The following GRIN2A variants were observed in gnomAD, a reference collection of about 807,000 sequenced individuals.
The protein encoded by GRIN2A is glutamate ionotropic receptor NMDA type subunit 2A, also known as glutamate receptor ionotropic, NMDA 2A.
Under a neutral mutation model 113.4 loss-of-function variants are expected in GRIN2A, and 22 were observed. The observed-to-expected ratio is 0.19, with a 90% CI of 0.14 to 0.28. The LOEUF is 0.28. GRIN2A is among the 10% of genes least tolerant of loss of function. The pLI is 1.00. For missense variants in GRIN2A, 1,502 were observed against 1,887.0 expected (o/e 0.80, Z 3.78); for synonymous variants, 827 against 738.4 (o/e 1.12, Z -1.94).
chr16:9,859,275 T>C (rs1192158341), intron 4 of GRIN2A, among the ~76,000 whole-genome samples: 1 of 151,894 alleles, frequency 6.6e-6, no homozygotes, highest in Non-Finnish European at 1.5e-5. Flanking sequence ...ATAATAGAGA[T>C]AAAAAGTATT....
intron 10 of GRIN2A, among the ~76,000 whole-genome samples, chr16:9,812,624 C>G (rs1420159647): frequency 2.0e-5 from 3 of 150,896 alleles, no homozygotes; most frequent in Non-Finnish European, 4.4e-5. Context: ...GGTGACAGAG[C>G]GAGACTCTGT....
At chr16:9,791,950 T>G (rs7195942) in intron 11 of GRIN2A, among the ~76,000 whole-genome samples, 56,547 of 151,676 alleles carry the variant, frequency 0.37, 11,351 homozygotes, top group African/African-American at 0.54. Flanking sequence ...TTGCAGGAAG[T>G]TTCCTTATTA....
intron 3 of GRIN2A, among the ~76,000 whole-genome samples, chr16:9,936,196 G>A (rs2044710917): frequency 6.6e-6 from 1 of 152,154 alleles, no homozygotes; most frequent in Non-Finnish European, 1.5e-5. Context: ...AAACTTGAAA[G>A]AAATTGCAAA....
At chr16:9,798,148 C>T (rs1903114283) in intron 11 of GRIN2A, 129 bp downstream of exon 11, 1 of 763,940 alleles carries the variant, frequency 1.3e-6, no homozygotes, top group Non-Finnish European at 2.3e-6. Flanking sequence ...TTTCATGTGA[C>T]AGGAACTCAG....
rs1392140146 is a variant in GRIN2A at position 9,807,421 on chromosome 16, CAG to C, written c.2169-8959_2169-8958del. Among the ~76,000 whole-genome samples, 4 of 123,758 alleles carry C rather than the reference CAG, an allele frequency of 3.2e-5. No homozygotes were observed. The East Asian group carries it at 6.7e-4, about 21-fold the overall frequency. The allele number at this position is 123,758 out of a possible 152,430, so 81.2% of individuals were successfully genotyped here. On this transcript the variant is annotated intron_variant, in intron 10 of 12. Coordinates refer to ENST00000330684, the MANE Select transcript of GRIN2A (RefSeq NM_001134407.3). ...GGGAGGGAGGGAGAGAAAGGAGAGA[CAG>C]AGAGAAAGAGAGACAGAGACAGAGA...
At chr16:10,021,221 C>T (rs1465314751) in intron 2 of GRIN2A, among the ~76,000 whole-genome samples, 4 of 152,156 alleles carry the variant, frequency 2.6e-5, no homozygotes, top group Non-Finnish European at 5.9e-5. Flanking sequence ...GCCATGAGAC[C>T]TAGGTAGTGA....
chr16:9,766,687 G>A (rs573853232), intron 12 of GRIN2A, among the ~76,000 whole-genome samples: 34 of 152,054 alleles, frequency 2.2e-4, no homozygotes, highest in Non-Finnish European at 4.1e-4. Flanking sequence ...GAGCCACTGC[G>A]CTCCAGCCTG....
chr16:9,810,262 C>T (rs754713756), intron 10 of GRIN2A, among the ~76,000 whole-genome samples: 88 of 152,214 alleles, frequency 5.8e-4, no homozygotes, highest in Non-Finnish European at 1.0e-3. Context: ...CACAGCACAC[C>T]CAGATAAAGT....
At chr16:9,897,350 G>A (rs2043827240) in intron 3 of GRIN2A, among the ~76,000 whole-genome samples, 1 of 152,022 alleles carries the variant, frequency 6.6e-6, no homozygotes, top group African/African-American at 2.4e-5. Flanking sequence ...TCTATGAATG[G>A]TGATGCATGG....
chr16:10,080,455 C>G (rs4640179), intron 2 of GRIN2A, among the ~76,000 whole-genome samples: 1 of 152,292 alleles, frequency 6.6e-6, no homozygotes, highest in African/African-American at 2.4e-5. Context: ...ACCCCGTTAC[C>G]TAAGCATAGA....
chr16:10,001,948 A>G (rs1402962532), intron 2 of GRIN2A, among the ~76,000 whole-genome samples: 1 of 152,212 alleles, frequency 6.6e-6, no homozygotes, highest in African/African-American at 2.4e-5. Context: ...TTAGGATTAG[A>G]TGCAGGGATA....
intron 5 of GRIN2A, among the ~76,000 whole-genome samples, chr16:9,848,099 T>TTATCTATAA (rs2042808915): frequency 6.8e-6 from 1 of 147,516 alleles, no homozygotes; most frequent in Non-Finnish European, 1.5e-5. Flanking sequence ...ACTATATATT[T>TTATCTATAA]TATCTATAAA....
intron 2 of GRIN2A, among the ~76,000 whole-genome samples, chr16:10,146,282 T>G (rs1368002790): frequency 6.6e-6 from 1 of 152,162 alleles, no homozygotes; most frequent in Non-Finnish European, 1.5e-5. Context: ...CACGCCCGAC[T>G]AATTTTTATA....
chr16:9,963,452 C>A (rs1381114854), intron 2 of GRIN2A, among the ~76,000 whole-genome samples: 1 of 151,966 alleles, frequency 6.6e-6, no homozygotes, highest in Admixed American at 6.6e-5. Flanking sequence ...CCCTGACAGG[C>A]CCCAGTGTGT....
At chr16:10,105,904 C>T (rs2048491808) in intron 2 of GRIN2A, among the ~76,000 whole-genome samples, 2 of 152,186 alleles carry the variant, frequency 1.3e-5, no homozygotes, top group South Asian at 2.1e-4. Context: ...AAGACTCTAT[C>T]TCCAAAAATA....
rs898243592 is a variant in GRIN2A, at chr16:10,180,603, A to G, written c.-18-174T>C. 22 of 631,410 alleles carry G rather than the reference A, an allele frequency of 3.5e-5. No individual in the cohort carries two copies. Among genetic ancestry groups the G allele is most frequent in the South Asian group, 7.0e-5 (1 of 14,196 alleles). 39.1% of individuals were successfully genotyped at this position (631,410 alleles called of 1,614,324 possible). ...CGACGCCATCCACATCCCTCGATCCATCTCTAACTCTATCCACAACTCCAA... is the reference window on the plus strand; with the variant it reads ...CGACGCCATCCACATCCCTCGATCCGTCTCTAACTCTATCCACAACTCCAA... On this transcript the variant is annotated intron_variant, in intron 1 of 12. Coordinates refer to ENST00000330684, the MANE Select transcript of GRIN2A (RefSeq NM_001134407.3). This position sits in a 1 kb window ranked among gnomAD's most constrained non-coding sequence, Gnocchi z 7.0.
In GRIN2A at chr16:9,764,516, G is replaced by A. The variant is rs753651908; in HGVS notation, c.3028C>T (p.Pro1010Ser). 1.2e-6 allele frequency: 2 copies of A among 1,613,944 alleles called. No homozygotes were observed. The highest frequency in any genetic ancestry group is 1.7e-6 in the Non-Finnish European group (2 of 1,179,986). ...ACGGATTTCTTCCACAGCTGCCGGG[G>A]TCTAGAGTTCGCTTTGGATTCTGTG... ...VSTESKANSR[P>S]RQLWKKSVDS... Residue 1010 changes from proline to serine, a missense_variant, in exon 13 of 13, where the codon CCC (proline) becomes TCC (serine). Physicochemically the swap from Pro to Ser is moderately conservative, Grantham distance 74. Coordinates refer to ENST00000330684, the MANE Select transcript of GRIN2A (RefSeq NM_001134407.3).
chr16:9,835,994 T>G (rs2042578279), intron 7 of GRIN2A, among the ~76,000 whole-genome samples: 1 of 152,226 alleles, frequency 6.6e-6, no homozygotes, highest in Non-Finnish European at 1.5e-5. Flanking sequence ...CAACTGAAAT[T>G]TATTTTAACT....
chr16:9,951,877 T>C lies in GRIN2A; in HGVS notation c.415-13326A>G, dbSNP rs148084816. Among the ~76,000 whole-genome samples, 467 of 152,274 alleles carry C rather than the reference T, an allele frequency of 3.1e-3. 4 individuals are homozygous for C. The highest frequency in any genetic ancestry group is 0.011 in the African/African-American group (443 of 41,566). ...AGAGCCCAAGTCAGCCCATGTGTTC[T>C]TCAACCTCAGGTAAGTTTGTCTTCT... is the stretch of plus-strand genomic sequence containing the variant. On this transcript the variant is annotated intron_variant, in intron 2 of 12. Coordinates refer to ENST00000330684, the MANE Select transcript of GRIN2A (RefSeq NM_001134407.3).
Sources: allele counts gnomAD v4.1 joint callset (sites outside exome capture counted in the v4.1 genomes callset), GRCh38; gene constraint gnomAD v4.1.1; non-coding constraint Gnocchi (gnomAD v3.1); transcripts MANE v1.5; gene names NCBI Gene and HGNC (gene_info 2026-07-23, HGNC 2026-07-21).